Variants in TRIM3 observed in about 807,000 individuals in gnomAD.
The protein encoded by TRIM3 is tripartite motif-containing protein 3.
TRIM3 carries 13 observed loss-of-function variants against 66.6 expected under a neutral mutation model. That is an observed-to-expected ratio of 0.20 (90% CI 0.13 to 0.31). TRIM3 has a LOEUF of 0.31. Ranked by LOEUF, TRIM3 falls within the 10% of genes least tolerant of loss-of-function variation. The pLI is 1.00. For synonymous variants in TRIM3, 406 were observed against 411.7 expected (o/e 0.99, Z 0.17); for missense variants, 711 against 1,020.4 (o/e 0.70, Z 4.13).
Position 6,450,310 on chromosome 11 carries a change from T to C in TRIM3, c.1941+241A>G, listed in dbSNP as rs934514163. 2.4e-5 allele frequency: 13 copies of C among 535,760 alleles called. No individual in the cohort carries two copies. Among genetic ancestry groups the C allele is most frequent in the African/African-American group, 2.1e-4 (11 of 52,684 alleles). The allele number at this position is 535,760 out of a possible 1,614,324, so 33.2% of individuals were successfully genotyped here. ...ATCATATTGTAATTTTTTGGTTACC[T>C]TTTTCTCTTCCCTACTAGACTATAA... On this transcript the variant is annotated intron_variant, in intron 10 of 11. Coordinates refer to ENST00000345851, the MANE Select transcript of TRIM3 (RefSeq NM_033278.4). The surrounding 1 kb of genome is among the most constrained non-coding windows in gnomAD (Gnocchi z 4.8).
At position 6,457,763 on chromosome 11, in the gene TRIM3, G is replaced by T. The variant is rs1564967953; in HGVS notation, c.448C>A (p.Leu150Met). The part of the protein sequence containing the change: ...AGEHREHGTV[L>M]LRDVVEQHKA... ...TGCTGCTCCACCACATCCCTCAGCA[G>T]CACTGTGCCATGCTCACGATGCTCC... Residue 150 changes from leucine to methionine, a missense_variant, in exon 4 of 12, where the codon CTG (leucine) becomes ATG (methionine). Leu to Met is a conservative substitution (Grantham distance 15). Transcript: ENST00000345851. The surrounding 1 kb of genome is among the most constrained non-coding windows in gnomAD (Gnocchi z 4.5). 1 of 1,614,162 alleles carries T rather than the reference G, an allele frequency of 6.2e-7. No homozygotes were observed. Among genetic ancestry groups the T allele is most frequent in the Non-Finnish European group, 8.5e-7 (1 of 1,180,018 alleles).
intron 1 of TRIM3, among the ~76,000 whole-genome samples, chr11:6,467,926 G>C (rs1415321363): frequency 6.6e-6 from 1 of 152,198 alleles, no homozygotes; most frequent in East Asian, 1.9e-4. Context: ...AGCTACCAAA[G>C]TTCTTTGGGT....
Position 6,458,209 on chromosome 11 carries a change from G to C in TRIM3, c.219C>G (p.Val73=). The change falls in exon 3 of 12, where the codon GTC becomes GTG. Residue 73 remains valine (V), a synonymous_variant. Coordinates refer to ENST00000345851, the MANE Select transcript of TRIM3 (RefSeq NM_033278.4). This position sits in a 1 kb window ranked among gnomAD's most constrained non-coding sequence, Gnocchi z 6.2. The stretch of plus-strand genomic sequence containing the variant: ...TGAAGAAGTTGTTCTGCAGTGCCGA[G>C]ACGCCCTGCTCTGGGAGGATGGACG... ...RQTSILPEQG[V]SALQNNFFIS... is the part of the protein sequence containing the mutation. 6.2e-7 allele frequency: 1 copy of C among 1,614,246 alleles called. No homozygotes were observed. Among genetic ancestry groups the C allele is most frequent in the Non-Finnish European group, 8.5e-7 (1 of 1,180,046 alleles).
At position 6,457,575 on chromosome 11, in the gene TRIM3, T is replaced by C; in HGVS notation, c.516-99A>G. 6.5e-7 allele frequency: 1 copy of C among 1,547,318 alleles called. No homozygotes were observed. Among genetic ancestry groups the C allele is most frequent in the Non-Finnish European group, 8.8e-7 (1 of 1,140,594 alleles). On this transcript the variant is annotated intron_variant, in intron 4 of 11. Coordinates refer to ENST00000345851, the MANE Select transcript of TRIM3 (RefSeq NM_033278.4). The surrounding 1 kb of genome is among the most constrained non-coding windows in gnomAD (Gnocchi z 4.5). Reference sequence around the variant, plus strand: ...TACTGCTGCCCTCATGGAGATCTCCTTCCTGAGACCTCCCTGAGACTTCCA... The same window carrying C: ...TACTGCTGCCCTCATGGAGATCTCCCTCCTGAGACCTCCCTGAGACTTCCA...
chr11:6,451,080 A>G lies in TRIM3; in HGVS notation c.1702-20T>C, dbSNP rs763323426. On this transcript the variant is annotated intron_variant, in intron 8 of 11. Coordinates refer to ENST00000345851, the MANE Select transcript of TRIM3 (RefSeq NM_033278.4). ...CTTGGTCTGGAGGAAGAGAATATCC[A>G]TAAGAGGCTTTATTCTGACAGTGGG... 3.3e-5 allele frequency: 53 copies of G among 1,613,094 alleles called. No individual in the cohort carries two copies. In the African/African-American group the frequency reaches 4.0e-4, roughly 12 times the overall value.
chr11:6,459,627 A>G (rs1423382839), intron 2 of TRIM3, among the ~76,000 whole-genome samples: 3 of 152,350 alleles, frequency 2.0e-5, no homozygotes, highest in South Asian at 2.1e-4. Context: ...ACAATCATCT[A>G]GGTAGGAAGT....
intron 1 of TRIM3, among the ~76,000 whole-genome samples, chr11:6,467,333 A>T (rs976885740): frequency 6.6e-6 from 1 of 152,210 alleles, no homozygotes; most frequent in African/African-American, 2.4e-5. Context: ...AAGAAACAGC[A>T]TGATAAAGGT....
Position 6,456,602 on chromosome 11 carries a change from G to A in TRIM3, c.1124C>T (p.Pro375Leu), listed in dbSNP as rs1849996142. 4 of 1,612,892 alleles carry A rather than the reference G, an allele frequency of 2.5e-6. No individual in the cohort carries two copies. Among genetic ancestry groups the A allele is most frequent in the Non-Finnish European group, 3.4e-6 (4 of 1,179,838 alleles). The part of the protein sequence containing the change: ...EITGPDGTRL[P>L]VPVVDHKNGT... ...ATTCTTGTGGTCCACCACTGGCACC[G>A]GAAGGCGCGTGCCGTCCGGGCCGGT... Residue 375 changes from proline to leucine, a missense_variant, in exon 6 of 12, where the codon CCG (proline) becomes CTG (leucine). This residue lies in a region of TRIM3 where 399 missense variants were observed against 458.1 expected (regional missense o/e 0.87). Coordinates refer to ENST00000345851, the MANE Select transcript of TRIM3 (RefSeq NM_033278.4). This position sits in a 1 kb window ranked among gnomAD's most constrained non-coding sequence, Gnocchi z 6.4.
At chr11:6,455,191 T>G (rs1849911118) in intron 7 of TRIM3, among the ~76,000 whole-genome samples, 1 of 152,070 alleles carries the variant, frequency 6.6e-6, no homozygotes, top group South Asian at 2.1e-4. Context: ...CATCAGAAGT[T>G]TCACTAGATG....
chr11:6,467,102 T>C (rs1263491283), intron 1 of TRIM3, among the ~76,000 whole-genome samples: 3 of 151,980 alleles, frequency 2.0e-5, no homozygotes, highest in Non-Finnish European at 4.4e-5. Context: ...GTCCCTGTGG[T>C]GGGGAGGTGG....
intron 2 of TRIM3, among the ~76,000 whole-genome samples, chr11:6,460,600 A>G (rs775351128): frequency 8.5e-5 from 13 of 152,064 alleles, no homozygotes; most frequent in East Asian, 1.9e-4. Flanking sequence ...AGAGTGAAGG[A>G]TGGAGGATTC....
chr11:6,458,452 G>A lies in TRIM3; in HGVS notation c.132-156C>T. 2 of 645,894 alleles carry A rather than the reference G, an allele frequency of 3.1e-6. No homozygotes were observed. Among genetic ancestry groups the A allele is most frequent in the Non-Finnish European group, 5.4e-6 (2 of 370,790 alleles). 40.0% of individuals were successfully genotyped at this position (645,894 alleles called of 1,614,324 possible). On this transcript the variant is annotated intron_variant, in intron 2 of 11. Transcript: ENST00000345851. The surrounding 1 kb of genome is among the most constrained non-coding windows in gnomAD (Gnocchi z 6.2). ...CTTGACACATCTCATCTGCCAGCAG[G>A]TATAATGGCCTTGCCCCTTACAACT...
intron 1 of TRIM3, among the ~76,000 whole-genome samples, chr11:6,473,477 G>A (rs1564979128): frequency 6.6e-6 from 1 of 151,578 alleles, no homozygotes. Flanking sequence ...CACTCAGCAC[G>A]CACCACCACC....
chr11:6,464,974 G>T (rs551272257), intron 2 of TRIM3, among the ~76,000 whole-genome samples: 2 of 118,308 alleles, frequency 1.7e-5, no homozygotes, highest in East Asian at 5.0e-4. Context: ...GCAACAGAGC[G>T]AGACTCCATC....
rs973644715 is a variant in TRIM3, at chr11:6,450,760, T to C, written c.1870+132A>G. The C allele has an allele frequency of 1.5e-5, 21 of 1,432,956 alleles. No individual in the cohort carries two copies. Among genetic ancestry groups the C allele is most frequent in the Non-Finnish European group, 1.8e-5 (19 of 1,030,230 alleles). 88.8% of individuals were successfully genotyped at this position (1,432,956 alleles called of 1,614,324 possible). A position where few individuals can be genotyped will look rare whatever the true frequency, so the allele number is the denominator to read the frequency against. On this transcript the variant is annotated intron_variant, in intron 9 of 11. Transcript: ENST00000345851. The surrounding 1 kb of genome is among the most constrained non-coding windows in gnomAD (Gnocchi z 4.8). Reference sequence around the variant, plus strand: ...CTGAGACAAATTATTTCTGAGATGATAGGGCTAACGTAAGGGAAGTGGGAT... The same window carrying C: ...CTGAGACAAATTATTTCTGAGATGACAGGGCTAACGTAAGGGAAGTGGGAT...
intron 2 of TRIM3, among the ~76,000 whole-genome samples, chr11:6,462,554 C>G (rs973937023): frequency 1.3e-5 from 2 of 151,942 alleles, no homozygotes; most frequent in African/African-American, 4.8e-5. Flanking sequence ...ACTACAGGTG[C>G]ATGCCACCAC....
chr11:6,448,671 G>C lies in TRIM3; in HGVS notation c.*357C>G. Reference sequence around the variant, plus strand: ...GGGGTATTGCTGTCTCTGTCAGTGTGTATAGGGTGGTAGGGAGACAACTAG... The same window carrying C: ...GGGGTATTGCTGTCTCTGTCAGTGTCTATAGGGTGGTAGGGAGACAACTAG... On this transcript the variant is annotated 3_prime_UTR_variant, in exon 12 of 12. Transcript: ENST00000345851. 1 of 568,220 alleles carries C rather than the reference G, an allele frequency of 1.8e-6. No individual in the cohort carries two copies. The highest frequency in any genetic ancestry group is 3.2e-6 in the Non-Finnish European group (1 of 317,216). The allele number at this position is 568,220 out of a possible 1,614,324, so 35.2% of individuals were successfully genotyped here.
At position 6,457,149 on chromosome 11, in the gene TRIM3, G is replaced by A. The variant is rs1850030299; in HGVS notation, c.697-120C>T. ...AGGGTGCCTGTGGACAGAGGACACA[G>A]ATGCCCACAGCACCTACCGAGGGCA... is the stretch of plus-strand genomic sequence containing the variant. On this transcript the variant is annotated intron_variant, in intron 5 of 11. Transcript: ENST00000345851. The surrounding 1 kb of genome is among the most constrained non-coding windows in gnomAD (Gnocchi z 4.5). The A allele has an allele frequency of 1.3e-6, 2 of 1,511,230 alleles. No individual in the cohort carries two copies. Among genetic ancestry groups the A allele is most frequent in the Admixed American group, 1.8e-5 (1 of 55,324 alleles). 93.6% of individuals were successfully genotyped at this position (1,511,230 alleles called of 1,614,324 possible).
Position 6,449,559 on chromosome 11 carries a change from T to C in TRIM3, c.1942-113A>G, listed in dbSNP as rs536401963. On this transcript the variant is annotated intron_variant, in intron 10 of 11. Coordinates refer to ENST00000345851, the MANE Select transcript of TRIM3 (RefSeq NM_033278.4). This position sits in a 1 kb window ranked among gnomAD's most constrained non-coding sequence, Gnocchi z 5.3. ...GAGAACCCCCACCCAGATCTACAGC[T>C]ACAGCCCAAATCTGCTTCATAGGCT... 11 of 1,050,622 alleles carry C rather than the reference T, an allele frequency of 1.0e-5. No homozygotes were observed. In the Admixed American group the frequency reaches 3.0e-4, roughly 29 times the overall value. 65.1% of individuals were successfully genotyped at this position (1,050,622 alleles called of 1,614,324 possible). A position where few individuals can be genotyped will look rare whatever the true frequency, so the allele number is the denominator to read the frequency against.
Sources: gnomAD v4.1 joint callset for allele counts (sites outside exome capture counted in the v4.1 genomes callset) on GRCh38, gnomAD v4.1.1 for gene constraint, gnomAD v4.1.1 regional missense constraint, Gnocchi (gnomAD v3.1) non-coding constraint, MANE v1.5 for transcripts, NCBI Gene and HGNC (gene_info 2026-07-23, HGNC 2026-07-21) for gene names.